Variants in ACER1 observed in about 807,000 individuals in gnomAD.
ACER1 encodes the protein CTB-180A7.3.
ACER1 carries 28 observed loss-of-function variants against 24.9 expected under a neutral mutation model. That is an observed-to-expected ratio of 1.13 (90% confidence interval 0.83 to 1.54). ACER1 has a LOEUF of 1.54. Among genes scored for constraint, ACER1 ranks in the 40% most tolerant of loss-of-function variants. The probability of loss-of-function intolerance (pLI) is 0.00; values close to 1 mark genes in which losing one functional copy is unlikely to be tolerated. For missense variants in ACER1, 352 were observed against 349.3 expected (o/e 1.01, Z -0.06); for synonymous variants, 132 against 131.4 (o/e 1.00, Z -0.03).
chr19:6,351,142 G>A, the ACER1 span, among the ~76,000 whole-genome samples: 5 of 151,934 alleles, frequency 3.3e-5, no homozygotes, highest in Non-Finnish European at 5.9e-5. Flanking sequence ...TGAGGCGGGC[G>A]GATCACGAGG....
chr19:6,330,553 C>T (rs1352836023), intron 1 of ACER1, among the ~76,000 whole-genome samples: 3 of 149,964 alleles, frequency 2.0e-5, no homozygotes, highest in Non-Finnish European at 2.9e-5. Context: ...TCAAGTGATC[C>T]TCCTGTCTCG....
At chr19:6,346,444 TCTC>T in the ACER1 span, among the ~76,000 whole-genome samples, 1,464 of 151,688 alleles carry the variant, frequency 9.7e-3, 14 homozygotes, top group Middle Eastern at 0.014. Flanking sequence ...CTCATTCTTT[TCTC>T]CTCCTCCTCC....
the ACER1 span, among the ~76,000 whole-genome samples, chr19:6,356,472 A>AT: frequency 6.2e-5 from 9 of 146,130 alleles, no homozygotes; most frequent in African/African-American, 2.2e-4. Context: ...GATCAATAAA[A>AT]AAATAAATAA....
chr19:6,345,242 C>T, the ACER1 span, among the ~76,000 whole-genome samples: 1 of 152,048 alleles, frequency 6.6e-6, no homozygotes, highest in East Asian at 1.9e-4. Flanking sequence ...TTTTTATTGG[C>T]ACACGGTCAC....
chr19:6,345,318 T>G, the ACER1 span, among the ~76,000 whole-genome samples: 2 of 152,254 alleles, frequency 1.3e-5, no homozygotes, highest in African/African-American at 4.8e-5. Context: ...GCAAGCTTTT[T>G]GTCACCCAGG....
At chr19:6,339,021 C>T in the ACER1 span, among the ~76,000 whole-genome samples, 6 of 151,856 alleles carry the variant, frequency 4.0e-5, no homozygotes, top group East Asian at 3.9e-4. Context: ...GGATTACAGG[C>T]GCCCACCACC....
chr19:6,319,507 A>G lies in ACER1; in HGVS notation c.94-7008T>C, dbSNP rs957968920. ...ATCACCTCCCTCCCTTCCTTCATTC[A>G]TTCGTTCATTCATTCATTCATTCAT... On this transcript the variant is annotated intron_variant, in intron 1 of 5. Transcript: ENST00000301452. Among the ~76,000 whole-genome samples the G allele has an allele frequency of 6.6e-4, 95 of 144,274 alleles. 2 individuals are homozygous for G. The highest frequency in any genetic ancestry group is 2.3e-3 in the African/African-American group (89 of 39,422). 94.6% of individuals were successfully genotyped at this position (144,274 alleles called of 152,430 possible).
chr19:6,347,041 C>T, the ACER1 span, among the ~76,000 whole-genome samples: 2 of 143,708 alleles, frequency 1.4e-5, no homozygotes, highest in Non-Finnish European at 3.0e-5. Context: ...GAGGGAGTAT[C>T]GCTTGAGGTC....
chr19:6,330,093 G>T (rs193245880), intron 1 of ACER1, among the ~76,000 whole-genome samples: 1 of 151,092 alleles, frequency 6.6e-6, no homozygotes, highest in African/African-American at 2.4e-5. Flanking sequence ...GGATGGTCTC[G>T]ATTTCTTGAC....
the ACER1 span, among the ~76,000 whole-genome samples, chr19:6,345,553 A>G: frequency 6.8e-6 from 1 of 146,840 alleles, no homozygotes; most frequent in Admixed American, 6.8e-5. Flanking sequence ...ACAGATCATC[A>G]GGTATTAGAT....
Position 6,333,462 on chromosome 19 carries a change from G to C in ACER1, c.90C>G (p.Asn30Lys), listed in dbSNP as rs778138131. Residue 30 changes from asparagine to lysine, a missense_variant, in exon 1 of 6, where the codon AAC (asparagine) becomes AAG (lysine). By Grantham distance (94) the Asn-to-Lys change is moderately conservative. Coordinates refer to ENST00000301452, the MANE Select transcript of ACER1 (RefSeq NM_133492.3). ...QYSELVAEFY[N>K]TFSNIPFFIF... ...CTTCACACACCCACGCACTCACCGT[G>C]TTGTAGAACTCGGCCACCAGCTCCG... 1 of 1,588,216 alleles carries C rather than the reference G, an allele frequency of 6.3e-7. No individual in the cohort carries two copies. The highest frequency in any genetic ancestry group is 8.6e-7 in the Non-Finnish European group (1 of 1,166,376).
At chr19:6,326,517 G>A (rs569679249) in intron 1 of ACER1, among the ~76,000 whole-genome samples, 1 of 151,592 alleles carries the variant, frequency 6.6e-6, no homozygotes, top group Admixed American at 6.6e-5. Flanking sequence ...CTCCTGCCTC[G>A]GCCTCCTAAA....
At chr19:6,350,395 G>C in the ACER1 span, among the ~76,000 whole-genome samples, 3,936 of 151,682 alleles carry the variant, frequency 0.026, 63 homozygotes, top group Non-Finnish European at 0.04. Flanking sequence ...AAAACTTAAA[G>C]TATAATAATA....
chr19:6,307,117 C>T (rs1174125130), intron 5 of ACER1, 36 bp downstream of exon 5: 1 of 1,610,568 alleles, frequency 6.2e-7, no homozygotes, highest in East Asian at 2.2e-5. Flanking sequence ...GATTCTCTGA[C>T]TCTGGGCCCC....
chr19:6,342,968 G>A, the ACER1 span, among the ~76,000 whole-genome samples: 1 of 151,894 alleles, frequency 6.6e-6, no homozygotes, highest in Non-Finnish European at 1.5e-5. Flanking sequence ...GTAGAGACAG[G>A]GTTTCTCCAT....
chr19:6,355,579 G>T, the ACER1 span, among the ~76,000 whole-genome samples: 1 of 151,386 alleles, frequency 6.6e-6, no homozygotes, highest in Non-Finnish European at 1.5e-5. Context: ...GGGAGGTGGG[G>T]GTCAGCCCCG....
chr19:6,313,712 T>C (rs939001220), intron 1 of ACER1, among the ~76,000 whole-genome samples: 1 of 152,222 alleles, frequency 6.6e-6, no homozygotes, highest in Non-Finnish European at 1.5e-5. Context: ...AGTACCTTTT[T>C]GACAAACAGC....
chr19:6,326,144 A>G (rs112906164), intron 1 of ACER1, among the ~76,000 whole-genome samples: 19,255 of 139,208 alleles, frequency 0.14, 2,645 homozygotes, highest in African/African-American at 0.36. Context: ...TTTTTTTTTA[A>G]AGACGGAGTC....
chr19:6,331,586 G>A (rs929104042), intron 1 of ACER1, among the ~76,000 whole-genome samples: 3 of 151,750 alleles, frequency 2.0e-5, no homozygotes, highest in Non-Finnish European at 2.9e-5. Flanking sequence ...CTGAGGTCGG[G>A]AGTTCAAGAC....
Sources: gnomAD v4.1 joint callset for allele counts (sites outside exome capture counted in the v4.1 genomes callset) on GRCh38, gnomAD v4.1.1 for gene constraint, MANE v1.5 for transcripts, NCBI Gene and HGNC (gene_info 2026-07-23, HGNC 2026-07-21) for gene names.